Variants in GPC2 observed in about 807,000 individuals in gnomAD.
The protein encoded by GPC2 is glypican-2.
GPC2 carries 42 observed loss-of-function variants against 57.3 expected under a neutral mutation model. The observed-to-expected ratio is 0.73, with a 90% CI of 0.57 to 0.95. GPC2 has a LOEUF of 0.95. Ranked by LOEUF, GPC2 falls within the 40% of genes least tolerant of loss-of-function variation. The pLI is 0.00. For missense variants in GPC2, 745 were observed against 793.6 expected, an observed-to-expected ratio of 0.94 and a Z score of 0.74; for synonymous variants, 364 against 343.4, an observed-to-expected ratio of 1.06 and a Z score of -0.66.
Position 100,173,849 on chromosome 7 carries a change from C to A in GPC2, c.878G>T (p.Trp293Leu). 6.4e-7 allele frequency: 1 copy of A among 1,569,872 alleles called. No individual in the cohort carries two copies. The highest frequency in any genetic ancestry group is 8.6e-7 in the Non-Finnish European group (1 of 1,158,634). Residue 293 changes from tryptophan to leucine, a missense_variant, in exon 5 of 10, where the codon TGG becomes TTG. Trp to Leu is a moderately conservative substitution (Grantham distance 61). Coordinates refer to ENST00000292377, the MANE Select transcript of GPC2 (RefSeq NM_152742.3). ...AATCCCCTCACCCAGATAGTTGCCC[C>A]AGTCAGGCTCCAGTCCCCTGCTGCT... Reference protein sequence around the residue: ...CLSSRGLEPDWGNYLDGLLIL... With the variant: ...CLSSRGLEPDLGNYLDGLLIL...
chr7:100,173,597 T>G, intron 5 of GPC2: 1 of 284,432 alleles, frequency 3.5e-6, no homozygotes. Flanking sequence ...TTCTTTTCTT[T>G]CTTTCTTTCT....
Position 100,172,234 on chromosome 7 carries a change from A to G in GPC2, c.893-17T>C. On this transcript the variant is annotated splice_polypyrimidine_tract_variant and intron_variant, in intron 5 of 9. Transcript: ENST00000292377. ...GGAGACCATCTTAAGGGAGGGAGAG[A>G]AAGAGAAAGGATGGGATGAGTGGTG... 1 of 1,613,256 alleles carries G rather than the reference A, an allele frequency of 6.2e-7. No homozygotes were observed. The highest frequency in any genetic ancestry group is 8.5e-7 in the Non-Finnish European group (1 of 1,179,706).
intron 5 of GPC2, among the ~76,000 whole-genome samples, chr7:100,172,993 C>T (rs1004626217): frequency 1.3e-5 from 2 of 152,020 alleles, no homozygotes; most frequent in South Asian, 2.1e-4. Context: ...TCTGCCTCAG[C>T]GTCCCAAGTA....
In GPC2 at chr7:100,170,195, A is replaced by G; in HGVS notation, c.*35T>C. On this transcript the variant is annotated 3_prime_UTR_variant, in exon 10 of 10. Coordinates refer to ENST00000292377, the MANE Select transcript of GPC2 (RefSeq NM_152742.3). ...TGAGGGGGGAGGAGGGGAAAGGGCC[A>G]TGAACCCTTCTGATGCTAGGGCACC... 6.6e-7 allele frequency: 1 copy of G among 1,522,718 alleles called. No individual in the cohort carries two copies. The allele number at this position is 1,522,718 out of a possible 1,614,324, so 94.3% of individuals were successfully genotyped here. A position where few individuals can be genotyped will look rare whatever the true frequency, so the allele number is the denominator to read the frequency against.
In GPC2 at chr7:100,175,593, T is replaced by C. The variant is rs551514351; in HGVS notation, c.627A>G (p.Ser209=). The change falls in exon 3 of 10, where the codon TCA becomes TCG. Residue 209 remains serine, a synonymous_variant. Transcript: ENST00000292377. ...TDGSLQPFGD[S]PRRLRLQITR... ...TCACCTGCAGGCGGAGGCGGCGGGGTGAGTCCCCAAAGGGCTGCAGAGAGC... is the reference window on the plus strand; with the variant it reads ...TCACCTGCAGGCGGAGGCGGCGGGGCGAGTCCCCAAAGGGCTGCAGAGAGC... 3 of 1,606,512 alleles carry C rather than the reference T, an allele frequency of 1.9e-6. No homozygotes were observed. Among genetic ancestry groups the C allele is most frequent in the East Asian group, 4.5e-5 (2 of 44,318 alleles).
At chr7:100,174,203 A>G in intron 4 of GPC2, 1 of 520,958 alleles carries the variant, frequency 1.9e-6, no homozygotes, top group East Asian at 3.3e-5. Context: ...GGAAATAGAG[A>G]GGCAGTTAGG....
chr7:100,175,516 A>G, intron 3 of GPC2, 56 bp downstream of exon 3: 1 of 1,402,112 alleles, frequency 7.1e-7, no homozygotes, highest in Non-Finnish European at 9.8e-7. Flanking sequence ...AGTGGTGCAC[A>G]GTTCAGGGGT....
In GPC2 at chr7:100,170,008, T is replaced by C. The variant is rs1799149656; in HGVS notation, c.*222A>G. On this transcript the variant is annotated 3_prime_UTR_variant, in exon 10 of 10. Coordinates refer to ENST00000292377, the MANE Select transcript of GPC2 (RefSeq NM_152742.3). ...GAAACCACACTCCCTCCTAAATAAA[T>C]ACCCCCAGGCCCCCCTCCCATTACC... 1 of 483,260 alleles carries C rather than the reference T, an allele frequency of 2.1e-6. No homozygotes were observed. The highest frequency in any genetic ancestry group is 3.6e-6 in the Non-Finnish European group (1 of 275,162). 29.9% of individuals were successfully genotyped at this position (483,260 alleles called of 1,614,324 possible). A position where few individuals can be genotyped will look rare whatever the true frequency, so the allele number is the denominator to read the frequency against.
In GPC2 at chr7:100,171,580, C is replaced by A; in HGVS notation, c.1269G>T (p.Ser423=). The A allele has an allele frequency of 6.6e-7, 1 of 1,507,748 alleles. No individual in the cohort carries two copies. The highest frequency in any genetic ancestry group is 2.8e-5 in the East Asian group (1 of 36,106). The allele number at this position is 1,507,748 out of a possible 1,614,324, so 93.4% of individuals were successfully genotyped here. ...CGGTCCAGCAGGGCGCCGCCTCCAG[C>A]GAGGCGTCCGCTGCCATGCGAGAGT... The part of the protein sequence containing the change: ...CGDSRMAADA[S]LEAAPCWTGA... Residue 423 remains serine, a synonymous_variant, in exon 8 of 10, where the codon TCG becomes TCT. Coordinates refer to ENST00000292377, the MANE Select transcript of GPC2 (RefSeq NM_152742.3). The surrounding 1 kb of genome is among the most constrained non-coding windows in gnomAD (Gnocchi z 4.8).
rs756176051 is a variant in GPC2, at chr7:100,175,654, A to G, written c.566T>C (p.Leu189Pro). 5.6e-6 allele frequency: 9 copies of G among 1,614,142 alleles called. No homozygotes were observed. The Admixed American group carries it at 1.3e-4, about 24-fold the overall frequency. Residue 189 changes from leucine (L) to proline (P), a missense_variant, in exon 3 of 10, where the codon CTG (leucine) becomes CCG (proline). Leu to Pro is a moderately conservative substitution (Grantham distance 98). Around this residue, in one of 2 missense-constraint regions of GPC2, gnomAD observed 607 missense variants for 603.9 expected, o/e 1.01. Transcript: ENST00000292377. ...HPQYSFPPDY[L>P]LCLSRLASST... is the part of the protein sequence containing the mutation. Reference sequence around the variant, plus strand: ...TGAGGCCAAGCGTGAGAGGCAGAGCAGGTAGTCAGGGGGGAAGCTGTACTG... The same window carrying G: ...TGAGGCCAAGCGTGAGAGGCAGAGCGGGTAGTCAGGGGGGAAGCTGTACTG...
Position 100,171,012 on chromosome 7 carries a change from T to G in GPC2, c.1486+249A>C. The G allele has an allele frequency of 2.4e-6, 1 of 416,612 alleles. No homozygotes were observed. The allele number at this position is 416,612 out of a possible 1,614,324, so 25.8% of individuals were successfully genotyped here. A position where few individuals can be genotyped will look rare whatever the true frequency, so the allele number is the denominator to read the frequency against. ...CATTTTCCCACTGCCCTTTGCCCAT[T>G]ATAAGGGGCTTCCCACTGTTCTTTA... On this transcript the variant is annotated intron_variant, in intron 9 of 9. Transcript: ENST00000292377. The surrounding 1 kb of genome is among the most constrained non-coding windows in gnomAD (Gnocchi z 4.8).
intron 2 of GPC2, 84 bp from the exon 3 acceptor site, chr7:100,175,978 T>G (rs1799267154): frequency 8.7e-7 from 1 of 1,153,374 alleles, no homozygotes; most frequent in East Asian, 2.4e-5. Flanking sequence ...CAGGAGGAGA[T>G]GGGAGAGAAG....
Position 100,171,557 on chromosome 7 carries a change from G to T in GPC2, c.1292C>A (p.Thr431Asn). ...GGCTCACCGGCCCCGCCCGGCTCCG[G>T]TCCAGCAGGGCGCCGCCTCCAGCGA... ...DASLEAAPCW[T>N]GAGRGRYLPP... is the part of the protein sequence containing the mutation. Residue 431 changes from threonine to asparagine, a missense_variant, in exon 8 of 10, where the codon ACC becomes AAC. This residue lies in a region of GPC2 where 607 missense variants were observed against 603.9 expected (regional missense o/e 1.01). Coordinates refer to ENST00000292377, the MANE Select transcript of GPC2 (RefSeq NM_152742.3). The surrounding 1 kb of genome is among the most constrained non-coding windows in gnomAD (Gnocchi z 4.8). 1 of 1,483,496 alleles carries T rather than the reference G, an allele frequency of 6.7e-7. No individual in the cohort carries two copies. The highest frequency in any genetic ancestry group is 8.9e-7 in the Non-Finnish European group (1 of 1,126,450). The allele number at this position is 1,483,496 out of a possible 1,614,324, so 91.9% of individuals were successfully genotyped here.
intron 3 of GPC2, 127 bp from the exon 4 acceptor site, chr7:100,174,892 T>C (rs1799241825): frequency 1.5e-6 from 1 of 661,550 alleles, no homozygotes; most frequent in African/African-American, 1.8e-5. Flanking sequence ...GTGGGTCGAG[T>C]GTTGGGTGGT....
rs1188772929 is a variant in GPC2, at chr7:100,171,327, G to A, written c.1420C>T (p.Leu474Phe). The stretch of plus-strand genomic sequence containing the variant: ...TTCATTCTGGCCGTGGCCGCCCGGA[G>A]CTGTAGCCGACGCCGCCGTGTCGGG... ...DVPTRRRRLQ[L>F]RAATARMKTA... The change falls in exon 9 of 10, where the codon CTC becomes TTC. Residue 474 changes from leucine to phenylalanine, a missense_variant. Around this residue, in one of 2 missense-constraint regions of GPC2, gnomAD observed 607 missense variants for 603.9 expected, o/e 1.01. Coordinates refer to ENST00000292377, the MANE Select transcript of GPC2 (RefSeq NM_152742.3). This position sits in a 1 kb window ranked among gnomAD's most constrained non-coding sequence, Gnocchi z 4.8. 1.9e-6 allele frequency: 3 copies of A among 1,544,564 alleles called. No individual in the cohort carries two copies. The highest frequency in any genetic ancestry group is 2.4e-5 in the South Asian group (2 of 83,906).
chr7:100,172,775 G>GTGTGTGTATATATATACGTATATATA (rs1454020979), intron 5 of GPC2, among the ~76,000 whole-genome samples: 12 of 140,708 alleles, frequency 8.5e-5, no homozygotes, highest in South Asian at 2.2e-4. Flanking sequence ...ATATATATAT[G>GTGTGTGTATATATATACGTATATATA]TGTGTGTATA....
intron 1 of GPC2, 89 bp downstream of exon 1, chr7:100,176,945 C>T (rs983844606): frequency 2.1e-6 from 2 of 975,464 alleles, no homozygotes; most frequent in Non-Finnish European, 3.0e-6. Context: ...ATAACGGTCA[C>T]TCTGAAAAGG....
In GPC2 at chr7:100,171,162, T is replaced by C; in HGVS notation, c.1486+99A>G. 9.5e-7 allele frequency: 1 copy of C among 1,056,046 alleles called. No homozygotes were observed. Among genetic ancestry groups the C allele is most frequent in the Non-Finnish European group, 1.3e-6 (1 of 763,424 alleles). The allele number at this position is 1,056,046 out of a possible 1,614,324, so 65.4% of individuals were successfully genotyped here. ...TTGAATGAATTAGTGAATTAATCAATGAACGCTAAGAGCAGAGGCACGGGC... is the reference window on the plus strand; with the variant it reads ...TTGAATGAATTAGTGAATTAATCAACGAACGCTAAGAGCAGAGGCACGGGC... On this transcript the variant is annotated intron_variant, in intron 9 of 9. Coordinates refer to ENST00000292377, the MANE Select transcript of GPC2 (RefSeq NM_152742.3). The surrounding 1 kb of genome is among the most constrained non-coding windows in gnomAD (Gnocchi z 4.8).
In GPC2 at chr7:100,174,683, A is replaced by C; in HGVS notation, c.729+2T>G. ...CCTGCCCATACTCAGGCACCCTCCAACCTTAAGCGCTTCGCTGACCACATT... is the reference window on the plus strand; with the variant it reads ...CCTGCCCATACTCAGGCACCCTCCACCCTTAAGCGCTTCGCTGACCACATT... On this transcript the variant is annotated splice_donor_variant, in intron 4 of 9. Coordinates refer to ENST00000292377, the MANE Select transcript of GPC2 (RefSeq NM_152742.3). LOFTEE classifies it high-confidence loss of function. 6.2e-7 allele frequency: 1 copy of C among 1,611,820 alleles called. No homozygotes were observed. The highest frequency in any genetic ancestry group is 8.5e-7 in the Non-Finnish European group (1 of 1,178,116).
Sources: allele counts gnomAD v4.1 joint callset (sites outside exome capture counted in the v4.1 genomes callset), GRCh38; gene constraint gnomAD v4.1.1; regional missense constraint gnomAD v4.1.1; non-coding constraint Gnocchi (gnomAD v3.1); transcripts MANE v1.5; gene names NCBI Gene and HGNC (gene_info 2026-07-23, HGNC 2026-07-21).